Variants in RAF1 observed in about 807,000 individuals in gnomAD.
RAF1 encodes the protein Raf-1 proto-oncogene, serine/threonine kinase.
Under a neutral mutation model 81.1 loss-of-function variants are expected in RAF1, and 27 were observed. The observed-to-expected ratio is 0.33, with a 90% CI of 0.25 to 0.46. The LOEUF (loss-of-function observed/expected upper bound fraction) is 0.46, where lower values mean the gene tolerates loss of function less well. RAF1 is among the 20% of genes least tolerant of loss of function. RAF1 has a pLI of 1.00. For missense variants in RAF1, 598 were observed against 826.0 expected, an observed-to-expected ratio of 0.72 and a Z score of 3.38; for synonymous variants, 298 against 294.0, an observed-to-expected ratio of 1.01 and a Z score of -0.14.
intron 1 of RAF1, among the ~76,000 whole-genome samples, chr3:12,642,853 C>T (rs2060236317): frequency 6.6e-6 from 1 of 151,170 alleles, no homozygotes; most frequent in Non-Finnish European, 1.5e-5. Context: ...CGTCACTGTA[C>T]TCCAGCCTGG....
rs752865798 is a variant in RAF1 at position 12,590,926 on chromosome 3, C to T, written c.1302G>A (p.Lys434=). 2 of 1,613,878 alleles carry T rather than the reference C, an allele frequency of 1.2e-6. No individual in the cohort carries two copies. Among genetic ancestry groups the T allele is most frequent in the East Asian group, 2.2e-5 (1 of 44,876 alleles). ...ACTGGGTCACAATTGCCAGGTTGTCCTTTGTCATGTACCCCATGAAAAGCA... is the reference window on the plus strand; with the variant it reads ...ACTGGGTCACAATTGCCAGGTTGTCTTTTGTCATGTACCCCATGAAAAGCA... The change falls in exon 13 of 18, where the codon AAG becomes AAA. Residue 434 remains lysine, a synonymous_variant. Transcript: ENST00000442415.
intron 8 of RAF1, among the ~76,000 whole-genome samples, chr3:12,601,933 G>T (rs768045086): frequency 6.6e-5 from 10 of 152,192 alleles, no homozygotes; most frequent in Non-Finnish European, 1.2e-4. Context: ...ATAACTGCCA[G>T]GTGGGCAAAA....
intron 1 of RAF1, among the ~76,000 whole-genome samples, chr3:12,662,874 G>A (rs935605818): frequency 6.6e-6 from 1 of 152,090 alleles, no homozygotes; most frequent in African/African-American, 2.4e-5. Context: ...AGGAGCGCAG[G>A]GAGGGCAGAG....
intron 1 of RAF1, among the ~76,000 whole-genome samples, chr3:12,635,638 A>C (rs1233171144): frequency 2.4e-4 from 2 of 8,206 alleles, no homozygotes; most frequent in African/African-American, 4.3e-4. Context: ...CTCCAGCTCC[A>C]AAAAAAAAAA....
intron 1 of RAF1, among the ~76,000 whole-genome samples, chr3:12,628,496 T>C (rs559320905): frequency 2.7e-4 from 41 of 152,218 alleles, no homozygotes; most frequent in Admixed American, 7.2e-4. Context: ...ACACCTACTC[T>C]ACAAAAAAAA....
At chr3:12,650,145 CAAAAAAAAAAAAAA>C (rs36098034) in intron 1 of RAF1, among the ~76,000 whole-genome samples, 106 of 76,974 alleles carry the variant, frequency 1.4e-3, no homozygotes, top group Middle Eastern at 0.015. Flanking sequence ...GACTCCATCT[CAAAAAAAAAAAAAA>C]AAAAAAAAAA....
intron 1 of RAF1, among the ~76,000 whole-genome samples, chr3:12,642,875 A>C (rs898255852): frequency 6.6e-6 from 1 of 151,646 alleles, no homozygotes; most frequent in Admixed American, 6.6e-5. Flanking sequence ...TGATACAGCA[A>C]GACTCTGTCT....
chr3:12,628,188 C>T (rs1430294385), intron 1 of RAF1, among the ~76,000 whole-genome samples: 1 of 152,216 alleles, frequency 6.6e-6, no homozygotes, highest in African/African-American at 2.4e-5. Flanking sequence ...TGGCCAGGTG[C>T]GGTAGTTCAT....
intron 1 of RAF1, among the ~76,000 whole-genome samples, chr3:12,628,757 G>GA (rs957971037): frequency 5.8e-4 from 82 of 140,534 alleles, no homozygotes; most frequent in Non-Finnish European, 1.1e-3. Context: ...TTTTTGGGGG[G>GA]GGGGGGTGGC....
Position 12,664,045 on chromosome 3 carries a change from A to G in RAF1, c.-259T>C, listed in dbSNP as rs1438095209. 1.3e-5 allele frequency: 5 copies of G among 398,284 alleles called. No homozygotes were observed. The highest frequency in any genetic ancestry group is 2.2e-5 in the Non-Finnish European group (5 of 225,948). 24.7% of individuals were successfully genotyped at this position (398,284 alleles called of 1,614,324 possible). A position where few individuals can be genotyped will look rare whatever the true frequency, so the allele number is the denominator to read the frequency against. On this transcript the variant is annotated 5_prime_UTR_variant, in exon 1 of 18. Transcript: ENST00000442415. ...TTCGGGGCCCAAAAAAGGCAGCAGA[A>G]AGCCGTTCCCGCCTCACAATCGTTT... is the stretch of plus-strand genomic sequence containing the variant.
At chr3:12,646,614 A>C (rs1392241721) in intron 1 of RAF1, among the ~76,000 whole-genome samples, 1 of 151,036 alleles carries the variant, frequency 6.6e-6, no homozygotes. Flanking sequence ...GCAATGGCAC[A>C]ATATCGGCTC....
chr3:12,640,547 A>G (rs2060153674), intron 1 of RAF1, among the ~76,000 whole-genome samples: 1 of 152,336 alleles, frequency 6.6e-6, no homozygotes, highest in Admixed American at 6.5e-5. Flanking sequence ...ACCCCATCAA[A>G]AAGTGGGCAA....
At chr3:12,618,829 A>G in intron 1 of RAF1, 82 bp from the exon 2 acceptor site, 1 of 1,135,100 alleles carries the variant, frequency 8.8e-7, no homozygotes, top group South Asian at 1.3e-5. Context: ...TAATTATGAA[A>G]ATAGCACTAT....
chr3:12,626,177 G>C (rs1052417012), intron 1 of RAF1, among the ~76,000 whole-genome samples: 1 of 150,540 alleles, frequency 6.6e-6, no homozygotes, highest in African/African-American at 2.4e-5. Context: ...TCAAGAGGTG[G>C]AGGTTGCAGT....
chr3:12,607,743 G>A (rs546927060), intron 5 of RAF1, among the ~76,000 whole-genome samples: 9 of 152,024 alleles, frequency 5.9e-5, no homozygotes, highest in African/African-American at 2.2e-4. Flanking sequence ...ATGAGGTCAA[G>A]AGATCGAGAC....
chr3:12,627,502 A>C (rs2059739010), intron 1 of RAF1, among the ~76,000 whole-genome samples: 1 of 152,212 alleles, frequency 6.6e-6, no homozygotes, highest in African/African-American at 2.4e-5. Flanking sequence ...TTTAGGATAG[A>C]AAAAAAGGGA....
chr3:12,661,748 G>C (rs1467481208), intron 1 of RAF1, among the ~76,000 whole-genome samples: 1 of 152,062 alleles, frequency 6.6e-6, no homozygotes. Context: ...ATTAGTAGGA[G>C]AGTGTTCTAC....
At chr3:12,603,656 A>C (rs1227503889) in intron 7 of RAF1, 2 of 552,836 alleles carry the variant, frequency 3.6e-6, no homozygotes, top group Non-Finnish European at 6.4e-6. Context: ...ATAACCAAAA[A>C]GCCAAGAGAA....
chr3:12,637,768 G>A (rs1295960240), intron 1 of RAF1, among the ~76,000 whole-genome samples: 1 of 151,884 alleles, frequency 6.6e-6, no homozygotes, highest in African/African-American at 2.4e-5. Context: ...CAGGAAAAGC[G>A]CTTGAACCCG....
Sources: allele counts gnomAD v4.1 joint callset (sites outside exome capture counted in the v4.1 genomes callset), GRCh38; gene constraint gnomAD v4.1.1; transcripts MANE v1.5; gene names NCBI Gene and HGNC (gene_info 2026-07-23, HGNC 2026-07-21).